UGGT2: variants seen among roughly 807,000 people sequenced by gnomAD.
UGGT2 encodes the protein UDP-glucose glycoprotein glucosyltransferase 2, also known as UDP-glucose:glycoprotein glucosyltransferase 2.
In UGGT2, 180 loss-of-function variants were observed where a neutral mutation model predicts 192.1. That is an observed-to-expected ratio of 0.94 (90% CI 0.83 to 1.06). UGGT2 has a LOEUF of 1.06. UGGT2 is among the 50% of genes least tolerant of loss of function. UGGT2 has a pLI of 0.00. For synonymous variants in UGGT2, 580 were observed against 591.0 expected (o/e 0.98, Z 0.27); for missense variants, 1,849 against 1,795.7 (o/e 1.03, Z -0.54).
intron 7 of UGGT2, chr13:95,995,789 A>T (rs1164851895): frequency 1.8e-5 from 7 of 399,350 alleles, no homozygotes; most frequent in Non-Finnish European, 3.2e-5. Context: ...TATTCACAGA[A>T]AGACTGGAAA....
At chr13:95,935,010 T>C (rs2049414178) in intron 17 of UGGT2, among the ~76,000 whole-genome samples, 1 of 152,196 alleles carries the variant, frequency 6.6e-6, no homozygotes, top group South Asian at 2.1e-4. Flanking sequence ...AATTATCTAT[T>C]GTTGGTTTCA....
At chr13:96,045,284 A>G (rs2053276052) in intron 1 of UGGT2, among the ~76,000 whole-genome samples, 2 of 152,206 alleles carry the variant, frequency 1.3e-5, no homozygotes, top group African/African-American at 4.8e-5. Flanking sequence ...AAAATCAAGC[A>G]CCCCTTTATG....
rs142873310 is a variant in UGGT2 at position 95,877,697 on chromosome 13, C to T, written c.3387+1G>A. ...AACACCATCAATTAAATAATACTTA[C>T]ATGATGTGCCATCACTATTGTATCA... is the stretch of plus-strand genomic sequence containing the variant. On this transcript the variant is annotated splice_donor_variant, in intron 28 of 38. Coordinates refer to ENST00000376747, the MANE Select transcript of UGGT2 (RefSeq NM_020121.4). LOFTEE classifies it high-confidence loss of function. The T allele has an allele frequency of 5.1e-5, 82 of 1,610,610 alleles. No individual in the cohort carries two copies. Among genetic ancestry groups the T allele is most frequent in the Admixed American group, 2.2e-4 (13 of 59,434 alleles).
chr13:95,947,162 C>T lies in UGGT2; in HGVS notation c.1552G>A (p.Val518Met), dbSNP rs1566740782. 1 of 1,597,976 alleles carries T rather than the reference C, an allele frequency of 6.3e-7. No individual in the cohort carries two copies. The highest frequency in any genetic ancestry group is 1.8e-5 in the Admixed American group (1 of 54,840). Residue 518 changes from valine (V) to methionine (M), a missense_variant, in exon 15 of 39, where the codon GTG (valine) becomes ATG (methionine). Transcript: ENST00000376747. ...SHEVPLRIGF[V>M]FILNTDDEVD... is the part of the protein sequence containing the mutation. ...TCATCATCTGTATTAAGAATGAACA[C>T]AAAACCAATTCTGGAAAAAGAAGAT...
rs1169498932 is a variant in UGGT2, at chr13:95,965,067, C to T, written c.1335+5045G>A. On this transcript the variant is annotated intron_variant, in intron 12 of 38. Coordinates refer to ENST00000376747, the MANE Select transcript of UGGT2 (RefSeq NM_020121.4). The stretch of plus-strand genomic sequence containing the variant: ...TACCATCTCACACCAGTTAGAATGG[C>T]GATCATTAAAAAGTCAGGAAACAAC... Among the ~76,000 whole-genome samples the T allele has an allele frequency of 3.2e-3, 487 of 150,230 alleles. 2 individuals carry two copies. Among genetic ancestry groups the T allele is most frequent in the African/African-American group, 0.011 (440 of 41,020 alleles).
chr13:95,851,007 T>A (rs1274100137), intron 36 of UGGT2, among the ~76,000 whole-genome samples: 1 of 152,244 alleles, frequency 6.6e-6, no homozygotes, highest in African/African-American at 2.4e-5. Context: ...AAGGACCATC[T>A]CAGCTTCAGA....
intron 1 of UGGT2, among the ~76,000 whole-genome samples, chr13:96,052,496 T>A (rs2053514467): frequency 6.6e-6 from 1 of 152,050 alleles, no homozygotes; most frequent in South Asian, 2.1e-4. Context: ...ACTTTTAGCA[T>A]CAAATACATG....
At chr13:96,023,573 T>C in intron 3 of UGGT2, 56 bp downstream of exon 3, 1 of 1,549,028 alleles carries the variant, frequency 6.5e-7, no homozygotes, top group Non-Finnish European at 8.7e-7. Context: ...TAAAGAACTC[T>C]ATGTACATTG....
chr13:95,962,328 T>G (rs1338203162), intron 12 of UGGT2, among the ~76,000 whole-genome samples: 3 of 151,806 alleles, frequency 2.0e-5, no homozygotes, highest in Admixed American at 6.6e-5. Context: ...AGACTAACCA[T>G]GACAGAGAAG....
Position 95,990,071 on chromosome 13 carries a change from T to C in UGGT2, c.833A>G (p.Glu278Gly). ...VQGFLFGKLK[E>G]IYSDLRDNLT... ...ATTATCTCTAAGATCTGAATATATTTCTCTGCATCAAAATATTAAGTGATG... is the reference window on the plus strand; with the variant it reads ...ATTATCTCTAAGATCTGAATATATTCCTCTGCATCAAAATATTAAGTGATG... Residue 278 changes from glutamate (E) to glycine (G), a missense_variant and splice_region_variant, in exon 8 of 39, where the codon GAA (glutamate) becomes GGA (glycine). Physicochemically the swap from Glu to Gly is moderately conservative, Grantham distance 98. Coordinates refer to ENST00000376747, the MANE Select transcript of UGGT2 (RefSeq NM_020121.4). 6.3e-7 allele frequency: 1 copy of C among 1,586,458 alleles called. No homozygotes were observed. Among genetic ancestry groups the C allele is most frequent in the Non-Finnish European group, 8.6e-7 (1 of 1,164,426 alleles).
At chr13:95,912,356 A>G (rs1232806801) in intron 20 of UGGT2, among the ~76,000 whole-genome samples, 4 of 152,230 alleles carry the variant, frequency 2.6e-5, no homozygotes, top group African/African-American at 9.6e-5. Context: ...TGAACCCAAA[A>G]TATCCTTTAG....
At chr13:95,903,196 G>T in intron 20 of UGGT2, 136 bp from the exon 21 acceptor site, 1 of 738,056 alleles carries the variant, frequency 1.4e-6, no homozygotes. Flanking sequence ...CATGTTTACT[G>T]TACTAAATGT....
intron 7 of UGGT2, 67 bp downstream of exon 7, chr13:95,995,996 A>G (rs2051606000): frequency 2.2e-6 from 3 of 1,333,572 alleles, no homozygotes; most frequent in African/African-American, 1.5e-5. Context: ...GCAAAACAGT[A>G]TATCAAATTA....
chr13:95,839,380 G>A (rs1887627878), intron 36 of UGGT2, among the ~76,000 whole-genome samples: 1 of 152,084 alleles, frequency 6.6e-6, no homozygotes, highest in South Asian at 2.1e-4. Flanking sequence ...TATCACATAA[G>A]TAAAATTATA....
chr13:95,969,280 C>T (rs573692043), intron 12 of UGGT2, among the ~76,000 whole-genome samples: 1 of 152,176 alleles, frequency 6.6e-6, no homozygotes, highest in Non-Finnish European at 1.5e-5. Context: ...AAGCTTATAC[C>T]TGGTTTACTC....
intron 1 of UGGT2, among the ~76,000 whole-genome samples, chr13:96,034,587 G>A (rs1451333966): frequency 6.6e-6 from 1 of 152,236 alleles, no homozygotes; most frequent in African/African-American, 2.4e-5. Context: ...CCTTTGGGGA[G>A]CCCAGACCTA....
At chr13:96,031,051 C>T (rs758949770) in intron 2 of UGGT2, among the ~76,000 whole-genome samples, 4 of 151,916 alleles carry the variant, frequency 2.6e-5, no homozygotes, top group Admixed American at 6.6e-5. Context: ...ATGGACCTTG[C>T]GTATTAAGGA....
At chr13:95,877,227 C>A in intron 29 of UGGT2, 52 bp downstream of exon 29, 1 of 1,391,436 alleles carries the variant, frequency 7.2e-7, no homozygotes, top group Non-Finnish European at 9.8e-7. Context: ...GGTTGTATTA[C>A]ACTAAAAACG....
rs1388333328 is a variant in UGGT2 at position 95,998,574 on chromosome 13, G to A, written c.757+637C>T. Among the ~76,000 whole-genome samples, 3 of 152,022 alleles carry A rather than the reference G, an allele frequency of 2.0e-5. No individual in the cohort carries two copies. The East Asian group carries it at 5.8e-4, about 29-fold the overall frequency. On this transcript the variant is annotated intron_variant, in intron 6 of 38. Coordinates refer to ENST00000376747, the MANE Select transcript of UGGT2 (RefSeq NM_020121.4). ...CATAAAACTCTTGACCAAGAATCAG[G>A]CATAAATAAATTTGACATGAACCAG...
Sources: gnomAD v4.1 joint callset for allele counts (sites outside exome capture counted in the v4.1 genomes callset) on GRCh38, gnomAD v4.1.1 for gene constraint, MANE v1.5 for transcripts, NCBI Gene and HGNC (gene_info 2026-07-23, HGNC 2026-07-21) for gene names.